FUT8: variants seen among roughly 807,000 people sequenced by gnomAD.
FUT8 encodes alpha-(1,6)-fucosyltransferase.
FUT8 carries 29 observed loss-of-function variants against 71.3 expected under a neutral mutation model. The observed-to-expected ratio is 0.41, with a 90% confidence interval of 0.30 to 0.55. The LOEUF (loss-of-function observed/expected upper bound fraction) is 0.55, where lower values mean the gene tolerates loss of function less well. Ranked by LOEUF, FUT8 falls within the 20% of genes least tolerant of loss-of-function variation. The pLI, the probability that FUT8 is intolerant of heterozygous loss-of-function variation, is 0.34. For synonymous variants in FUT8, 254 were observed against 239.3 expected (o/e 1.06, Z -0.57); for missense variants, 544 against 702.1 (o/e 0.77, Z 2.55).
At chr14:65,384,675 T>C in the FUT8 span, among the ~76,000 whole-genome samples, 1 of 152,220 alleles carries the variant, frequency 6.6e-6, no homozygotes, top group Non-Finnish European at 1.5e-5. This position sits in a 1 kb window ranked among gnomAD's most constrained non-coding sequence, Gnocchi z 4.2. Context: ...TTTGGTTCAG[T>C]GTCTTGCAGG....
At chr14:65,622,295 C>T (rs1462998436) in intron 5 of FUT8, among the ~76,000 whole-genome samples, 1 of 149,546 alleles carries the variant, frequency 6.7e-6, no homozygotes, top group Non-Finnish European at 1.5e-5. Flanking sequence ...TCCTATAGCA[C>T]AGCATTGTGA....
the FUT8 span, among the ~76,000 whole-genome samples, chr14:65,362,509 T>C: frequency 6.6e-6 from 1 of 151,448 alleles, no homozygotes; most frequent in African/African-American, 2.4e-5. Flanking sequence ...GACCCCCATC[T>C]CAAACAAACA....
intron 2 of FUT8, among the ~76,000 whole-genome samples, chr14:65,522,981 G>A (rs1002354715): frequency 8.5e-5 from 13 of 152,056 alleles, no homozygotes; most frequent in Admixed American, 6.6e-4. Context: ...ATTGATGGAC[G>A]TTTGGGTTGG....
chr14:65,635,455 T>C (rs1890497075), intron 6 of FUT8, among the ~76,000 whole-genome samples: 1 of 152,204 alleles, frequency 6.6e-6, no homozygotes, highest in Non-Finnish European at 1.5e-5. Flanking sequence ...CCCCATTTAG[T>C]ATTATGTTGG....
At chr14:65,420,409 A>C (rs767362084) in intron 1 of FUT8, among the ~76,000 whole-genome samples, 17 of 152,102 alleles carry the variant, frequency 1.1e-4, no homozygotes, top group Admixed American at 2.6e-4. Context: ...GAGCCACCAA[A>C]CTTGGCCAGA....
At chr14:65,393,061 G>T in the FUT8 span, among the ~76,000 whole-genome samples, 1 of 152,140 alleles carries the variant, frequency 6.6e-6, no homozygotes, top group African/African-American at 2.4e-5. Context: ...TTGCCTTTTG[G>T]TTCCTTTGTG....
At chr14:65,384,517 G>C in the FUT8 span, among the ~76,000 whole-genome samples, 1 of 152,152 alleles carries the variant, frequency 6.6e-6, no homozygotes, top group African/African-American at 2.4e-5. The surrounding 1 kb of genome is among the most constrained non-coding windows in gnomAD (Gnocchi z 4.2). Flanking sequence ...CCAAGATCCA[G>C]TTATTTCAAT....
At chr14:65,500,068 G>A (rs2066622637) in intron 2 of FUT8, among the ~76,000 whole-genome samples, 3 of 152,168 alleles carry the variant, frequency 2.0e-5, no homozygotes, top group Admixed American at 6.5e-5. Context: ...ATATGGGATT[G>A]TGTAGGGATC....
At chr14:65,386,503 CAAAAAAAA>C in the FUT8 span, among the ~76,000 whole-genome samples, 35 of 46,894 alleles carry the variant, frequency 7.5e-4, no homozygotes, top group African/African-American at 1.8e-3. Flanking sequence ...GACCTCGTCT[CAAAAAAAA>C]AAAAAAAAAA....
chr14:65,679,427 T>C (rs1039320177), intron 7 of FUT8, among the ~76,000 whole-genome samples: 1 of 152,188 alleles, frequency 6.6e-6, no homozygotes, highest in Admixed American at 6.5e-5. Flanking sequence ...TTAAAAGTTA[T>C]ATGGTGTCTC....
chr14:65,691,715 G>T (rs548111285), intron 7 of FUT8, among the ~76,000 whole-genome samples: 1 of 151,848 alleles, frequency 6.6e-6, no homozygotes. Flanking sequence ...AGTGAACAAA[G>T]GTCTCTGGTT....
At chr14:65,515,969 G>A (rs1399855449) in intron 2 of FUT8, among the ~76,000 whole-genome samples, 1 of 152,124 alleles carries the variant, frequency 6.6e-6, no homozygotes, top group Non-Finnish European at 1.5e-5. Flanking sequence ...AAGTTTAAGA[G>A]ATAATTTAGC....
At chr14:65,459,941 A>G (rs928178406) in intron 2 of FUT8, among the ~76,000 whole-genome samples, 3 of 152,240 alleles carry the variant, frequency 2.0e-5, no homozygotes, top group African/African-American at 4.8e-5. Context: ...ACATTTTACA[A>G]TGAAAATAGG....
chr14:65,525,776 G>A (rs1883423107), intron 2 of FUT8, among the ~76,000 whole-genome samples: 1 of 152,106 alleles, frequency 6.6e-6, no homozygotes, highest in Non-Finnish European at 1.5e-5. Context: ...TGTTATTACT[G>A]GTTTCAAAGA....
At chr14:65,668,103 C>G (rs141051285) in intron 6 of FUT8, among the ~76,000 whole-genome samples, 4,047 of 152,060 alleles carry the variant, frequency 0.027, 85 homozygotes, top group Non-Finnish European at 0.041. Flanking sequence ...AATGTAAAAC[C>G]TAAAACCATA....
chr14:65,399,883 T>C, the FUT8 span, among the ~76,000 whole-genome samples: 1 of 152,214 alleles, frequency 6.6e-6, no homozygotes, highest in Non-Finnish European at 1.5e-5. Context: ...CAAAACTTCT[T>C]TCATTTAGTC....
chr14:65,730,870 G>A (rs1895946688), intron 9 of FUT8, among the ~76,000 whole-genome samples: 1 of 152,152 alleles, frequency 6.6e-6, no homozygotes, highest in Non-Finnish European at 1.5e-5. Context: ...GATTAGGGAT[G>A]GGGTTAAAAT....
intron 6 of FUT8, among the ~76,000 whole-genome samples, chr14:65,633,941 T>A (rs1890384284): frequency 7.0e-6 from 1 of 143,010 alleles, no homozygotes; most frequent in African/African-American, 2.7e-5. Context: ...GGGAGGGAGG[T>A]GGGGGGTCAG....
intron 2 of FUT8, among the ~76,000 whole-genome samples, chr14:65,501,505 A>C (rs918012124): frequency 6.6e-6 from 1 of 152,184 alleles, no homozygotes; most frequent in Non-Finnish European, 1.5e-5. Flanking sequence ...TATCACTGCT[A>C]CTGCTGGGGT....
Sources: allele counts gnomAD v4.1 joint callset (sites outside exome capture counted in the v4.1 genomes callset), GRCh38; gene constraint gnomAD v4.1.1; non-coding constraint Gnocchi (gnomAD v3.1); transcripts MANE v1.5; gene names NCBI Gene and HGNC (gene_info 2026-07-23, HGNC 2026-07-21).